The following TMEM161B variants were observed in gnomAD, a reference collection of about 807,000 sequenced individuals.
TMEM161B encodes the protein transmembrane protein 161B.
TMEM161B carries 34 observed loss-of-function variants against 61.8 expected under a neutral mutation model. The ratio of observed to expected loss-of-function variants is 0.55; its 90% CI spans 0.42 to 0.73. The LOEUF (loss-of-function observed/expected upper bound fraction) is 0.73, where lower values mean the gene tolerates loss of function less well. TMEM161B is among the 30% of genes least tolerant of loss of function. The pLI, the probability that TMEM161B is intolerant of heterozygous loss-of-function variation, is 0.00. For synonymous variants in TMEM161B, 167 were observed against 192.8 expected, an observed-to-expected ratio of 0.87 and a Z score of 1.11; for missense variants, 456 against 558.5, an observed-to-expected ratio of 0.82 and a Z score of 1.85.
chr5:88,191,988 A>AAG (rs1748957905), downstream of TMEM161B, among the ~76,000 whole-genome samples: 1 of 9,702 alleles, frequency 1.0e-4, no homozygotes, highest in South Asian at 2.9e-3. Flanking sequence ...AAGTGTATAT[A>AAG]TATATATATA....
At chr5:88,220,387 T>C (rs1308373134) in intron 5 of TMEM161B, among the ~76,000 whole-genome samples, 176 bp downstream of exon 5, 1 of 152,136 alleles carries the variant, frequency 6.6e-6, no homozygotes, top group Non-Finnish European at 1.5e-5. Flanking sequence ...ATTTTTCTTA[T>C]ATTTAGCTTT....
intron 6 of TMEM161B, among the ~76,000 whole-genome samples, 185 bp downstream of exon 6, chr5:88,206,844 T>G (rs1289495389): frequency 6.6e-6 from 1 of 152,010 alleles, no homozygotes; most frequent in East Asian, 1.9e-4. Flanking sequence ...AATTAAAAAC[T>G]TAGCTAAAAC....
chr5:88,191,454 C>G (rs1748839316), downstream of TMEM161B, among the ~76,000 whole-genome samples: 1 of 152,100 alleles, frequency 6.6e-6, no homozygotes, highest in Non-Finnish European at 1.5e-5. Flanking sequence ...TGTGGAACAG[C>G]CTATGGCACA....
chr5:88,220,129 A>G (rs1748645145), intron 5 of TMEM161B, among the ~76,000 whole-genome samples: 1 of 152,168 alleles, frequency 6.6e-6, no homozygotes, highest in Non-Finnish European at 1.5e-5. Flanking sequence ...GCTGTAAATA[A>G]TATTTTCATA....
At chr5:88,244,790 C>G (rs1408300014) in intron 1 of TMEM161B, among the ~76,000 whole-genome samples, 1 of 151,642 alleles carries the variant, frequency 6.6e-6, no homozygotes, top group Non-Finnish European at 1.5e-5. Context: ...AATTCTTTTC[C>G]ATTTGTTTAT....
chr5:88,231,559 G>C (rs1309479821), intron 2 of TMEM161B, among the ~76,000 whole-genome samples: 2 of 152,242 alleles, frequency 1.3e-5, no homozygotes, highest in Non-Finnish European at 2.9e-5. Context: ...CATAGAGCAA[G>C]TGCTCAAAAA....
intron 2 of TMEM161B, 90 bp from the exon 3 acceptor site, chr5:88,228,618 G>C: frequency 1.1e-6 from 1 of 933,708 alleles, no homozygotes; most frequent in South Asian, 1.7e-5. Flanking sequence ...TTTCATATTT[G>C]TGAAGACACT....
downstream of TMEM161B, chr5:88,189,606 G>C (rs1748583313): frequency 6.4e-6 from 1 of 155,730 alleles, no homozygotes; most frequent in South Asian, 1.9e-4. Flanking sequence ...GGTGAACTGG[G>C]GAGAATAAGC....
intron 5 of TMEM161B, among the ~76,000 whole-genome samples, chr5:88,210,135 C>A (rs1235966363): frequency 1.3e-5 from 2 of 152,130 alleles, no homozygotes; most frequent in African/African-American, 4.8e-5. Context: ...AAATTAATTT[C>A]TCTGTGTCTT....
intron 5 of TMEM161B, among the ~76,000 whole-genome samples, chr5:88,210,102 A>G (rs371150394): frequency 6.6e-6 from 1 of 152,136 alleles, no homozygotes; most frequent in Non-Finnish European, 1.5e-5. Flanking sequence ...TACTCTTACT[A>G]AACTATGTGA....
intron 8 of TMEM161B, 29 bp downstream of exon 8, chr5:88,205,785 G>A (rs1345888493): frequency 6.2e-7 from 1 of 1,606,884 alleles, no homozygotes; most frequent in Non-Finnish European, 8.5e-7. Flanking sequence ...ATATTTATCT[G>A]CATGTGCTTA....
intron 5 of TMEM161B, among the ~76,000 whole-genome samples, chr5:88,211,613 CCGGGCGTGGCGG>C (rs1455823517): frequency 3.3e-5 from 5 of 151,620 alleles, no homozygotes; most frequent in Non-Finnish European, 2.9e-5. Flanking sequence ...TAAAAATTAG[CCGGGCGTGGCGG>C]CGGGCGCGGC....
At chr5:88,220,798 G>T in intron 4 of TMEM161B, 79 bp from the exon 5 acceptor site, 4 of 1,417,976 alleles carry the variant, frequency 2.8e-6, no homozygotes, top group Non-Finnish European at 2.8e-6. Context: ...TAACTTATGA[G>T]GATTTATTTA....
At chr5:88,225,467 T>C (rs1488005635) in intron 4 of TMEM161B, among the ~76,000 whole-genome samples, 1 of 152,092 alleles carries the variant, frequency 6.6e-6, no homozygotes, top group East Asian at 1.9e-4. Flanking sequence ...AAGGGCAGAC[T>C]GAAATAAACA....
chr5:88,268,142 T>C (rs185180068), intron 1 of TMEM161B, among the ~76,000 whole-genome samples: 1 of 152,288 alleles, frequency 6.6e-6, no homozygotes, highest in Non-Finnish European at 1.5e-5. Flanking sequence ...CCTTCAACCT[T>C]CCTCCACACC....
chr5:88,189,855 T>A (rs112947857), exon 13 of TMEM161B: 13 of 565,222 alleles, frequency 2.3e-5, no homozygotes, highest in African/African-American at 1.9e-4. Context: ...TCCTTTTTCC[T>A]GACATACTTT....
intron 1 of TMEM161B, among the ~76,000 whole-genome samples, chr5:88,245,624 A>G (rs1753496077): frequency 6.6e-6 from 1 of 152,010 alleles, no homozygotes; most frequent in Non-Finnish European, 1.5e-5. Flanking sequence ...AACAGCAAAA[A>G]TTATGTCTCA....
At chr5:88,197,817 G>T (rs1172125466) in intron 10 of TMEM161B, 52 bp from the exon 11 acceptor site, 1 of 1,462,712 alleles carries the variant, frequency 6.8e-7, no homozygotes, top group Non-Finnish European at 9.4e-7. Context: ...TGTTAGGAGT[G>T]AATTAAACTT....
chr5:88,223,209 T>C (rs572704555), intron 4 of TMEM161B, among the ~76,000 whole-genome samples: 1 of 151,406 alleles, frequency 6.6e-6, no homozygotes, highest in Admixed American at 6.6e-5. Context: ...ACCCTGTCCA[T>C]GTTATTCAAC....
Sources: allele counts gnomAD v4.1 joint callset (sites outside exome capture counted in the v4.1 genomes callset), GRCh38; gene constraint gnomAD v4.1.1; transcripts MANE v1.5; gene names NCBI Gene and HGNC (gene_info 2026-07-23, HGNC 2026-07-21).